The following RAE1 variants were observed in gnomAD, a reference collection of about 807,000 sequenced individuals.
RAE1 encodes mRNA export factor RAE1.
Under a neutral mutation model 52.7 loss-of-function variants are expected in RAE1, and 13 were observed. The ratio of observed to expected loss-of-function variants is 0.25; its 90% confidence interval spans 0.16 to 0.39. The LOEUF is 0.39. Among genes scored for constraint, RAE1 ranks in the 10% least tolerant of loss-of-function variants. RAE1 has a pLI of 1.00. For synonymous variants in RAE1, 164 were observed against 153.1 expected (o/e 1.07, Z -0.52); for missense variants, 262 against 459.8 (o/e 0.57, Z 3.93).
At position 57,367,077 on chromosome 20, in the gene RAE1, G is replaced by T; in HGVS notation, c.532G>T (p.Val178Leu). 1.3e-6 allele frequency: 2 copies of T among 1,576,392 alleles called. No homozygotes were observed. The highest frequency in any genetic ancestry group is 1.7e-6 in the Non-Finnish European group (2 of 1,152,334). The change falls in exon 7 of 12, where the codon GTG becomes TTG. Residue 178 changes from valine (V) to leucine (L), a missense_variant and splice_region_variant. Val to Leu is a conservative substitution (Grantham distance 32). Coordinates refer to ENST00000395841, the MANE Select transcript of RAE1 (RefSeq NM_003610.4). The part of the protein sequence containing the change: ...QLPERCYCAD[V>L]IYPMAVVATA... ...CCCTGAAAGGTGTTACTGTGCTGAC[G>T]TGGTAAGGGATTTCAACTTAATATG...
At chr20:57,351,677 T>G in intron 1 of RAE1, 1 of 985,504 alleles carries the variant, frequency 1.0e-6, no homozygotes, top group Non-Finnish European at 1.2e-6. Context: ...ATGCAGTGTG[T>G]GTCGCCTCTG....
In RAE1 at chr20:57,373,721, C is replaced by A; in HGVS notation, c.808C>A (p.Pro270Thr). ...ATCTAATGGAACCAACACTTCAGCT[C>A]CTCAGGACATTTATGCGGTACGTTT... ...HRSNGTNTSA[P>T]QDIYAVNGIA... The change falls in exon 10 of 12, where the codon CCT (proline) becomes ACT (threonine). Residue 270 changes from proline (P) to threonine (T), a missense_variant. By Grantham distance (38) the Pro-to-Thr change is conservative. Coordinates refer to ENST00000395841, the MANE Select transcript of RAE1 (RefSeq NM_003610.4). The A allele has an allele frequency of 1.9e-6, 3 of 1,613,902 alleles. No homozygotes were observed. The highest frequency in any genetic ancestry group is 2.5e-6 in the Non-Finnish European group (3 of 1,179,772).
intron 4 of RAE1, among the ~76,000 whole-genome samples, chr20:57,360,198 G>A (rs2066872101): frequency 6.6e-6 from 1 of 152,138 alleles, no homozygotes; most frequent in African/African-American, 2.4e-5. Flanking sequence ...GTGCTTCATG[G>A]CCTTATTCAA....
intron 11 of RAE1, 149 bp from the exon 12 acceptor site, chr20:57,377,864 T>A (rs2067138810): frequency 1.6e-6 from 1 of 609,988 alleles, no homozygotes; most frequent in Non-Finnish European, 2.8e-6. Context: ...AAGTTCTGCT[T>A]CGCATTTGAC....
intron 7 of RAE1, among the ~76,000 whole-genome samples, chr20:57,367,730 A>T (rs1351916867): frequency 6.9e-6 from 1 of 145,716 alleles, no homozygotes; most frequent in Non-Finnish European, 1.5e-5. Flanking sequence ...ATAGAGTGAG[A>T]TACTATCTCA....
chr20:57,357,268 C>G (rs1169686066), intron 4 of RAE1, among the ~76,000 whole-genome samples: 1 of 152,188 alleles, frequency 6.6e-6, no homozygotes, highest in Non-Finnish European at 1.5e-5. Context: ...TCGTCAAATC[C>G]TTCCCAGCTC....
intron 4 of RAE1, chr20:57,359,496 G>C (rs1344488712): frequency 1.3e-5 from 2 of 152,408 alleles, no homozygotes; most frequent in African/African-American, 4.8e-5. Context: ...GGCTGCTTTT[G>C]GGCCAACTGT....
At chr20:57,371,938 A>G (rs1355340720) in intron 8 of RAE1, 1 of 152,250 alleles carries the variant, frequency 6.6e-6, no homozygotes, top group African/African-American at 2.4e-5. Flanking sequence ...AAGAAACTGC[A>G]TGGTTCCACT....
chr20:57,374,583 C>T (rs1235894895), intron 10 of RAE1, 24 bp from the exon 11 acceptor site: 4 of 1,592,786 alleles, frequency 2.5e-6, no homozygotes, highest in Admixed American at 1.7e-5. Flanking sequence ...CCTGGCTTCT[C>T]ATTGTGCATG....
intron 1 of RAE1, 42 bp downstream of exon 1, chr20:57,351,464 A>C (rs1479038644): frequency 1.0e-5 from 10 of 985,306 alleles, no homozygotes; most frequent in Non-Finnish European, 1.2e-5. Context: ...AACCGCCGCC[A>C]TGGCTCCCGC....
intron 1 of RAE1, among the ~76,000 whole-genome samples, chr20:57,352,258 C>T (rs555002316): frequency 6.6e-6 from 1 of 152,282 alleles, no homozygotes; most frequent in South Asian, 2.1e-4. Context: ...AAATTTGGGA[C>T]ATTTTCATCA....
intron 8 of RAE1, among the ~76,000 whole-genome samples, chr20:57,370,589 C>A (rs775932533): frequency 2.0e-5 from 3 of 152,194 alleles, no homozygotes; most frequent in Non-Finnish European, 4.4e-5. Context: ...GTCTCCCAGG[C>A]GTCTGAAGCT....
chr20:57,377,898 C>T (rs984361621), intron 11 of RAE1, 115 bp from the exon 12 acceptor site: 2 of 702,204 alleles, frequency 2.8e-6, no homozygotes, highest in South Asian at 2.2e-5. Context: ...TTTTATTTCT[C>T]TGAGAGATTA....
chr20:57,361,856 G>C (rs1361249389), intron 4 of RAE1, among the ~76,000 whole-genome samples: 1 of 152,246 alleles, frequency 6.6e-6, no homozygotes, highest in Non-Finnish European at 1.5e-5. Flanking sequence ...CCAACCCCCA[G>C]GCTGTGGACC....
chr20:57,359,089 G>A, intron 4 of RAE1: 1 of 1,344,296 alleles, frequency 7.4e-7, no homozygotes, highest in East Asian at 2.7e-5. Flanking sequence ...CCTTCGCACG[G>A]TCAGGATACC....
chr20:57,365,659 A>T (rs952486734), intron 5 of RAE1, among the ~76,000 whole-genome samples: 5 of 152,204 alleles, frequency 3.3e-5, no homozygotes, highest in African/African-American at 1.2e-4. Flanking sequence ...CTTGTCATGG[A>T]TCTTCATATA....
intron 3 of RAE1, among the ~76,000 whole-genome samples, chr20:57,355,693 GT>G (rs1464241514): frequency 1.3e-5 from 2 of 152,166 alleles, no homozygotes; most frequent in Non-Finnish European, 2.9e-5. Flanking sequence ...TGTATAGTAT[GT>G]TTGTATGATG....
intron 11 of RAE1, among the ~76,000 whole-genome samples, chr20:57,377,453 T>G (rs2067132191): frequency 6.6e-6 from 1 of 152,226 alleles, no homozygotes; most frequent in South Asian, 2.1e-4. Context: ...GGCCTCATCC[T>G]GATTTCGGGG....
At position 57,366,993 on chromosome 20, in the gene RAE1, CT is replaced by C; in HGVS notation, c.463-9del. 1.2e-6 allele frequency: 2 copies of C among 1,604,708 alleles called. No homozygotes were observed. The highest frequency in any genetic ancestry group is 1.7e-6 in the Non-Finnish European group (2 of 1,171,526). On this transcript the variant is annotated splice_polypyrimidine_tract_variant and intron_variant, in intron 6 of 11. Transcript: ENST00000395841. ...TCTGAATGGTCACATACTGGCTTCT[CT>C]TTTTTGCTTTTAGTTTTGGGATACT...
Sources: gnomAD v4.1 joint callset for allele counts (sites outside exome capture counted in the v4.1 genomes callset) on GRCh38, gnomAD v4.1.1 for gene constraint, MANE v1.5 for transcripts, NCBI Gene and HGNC (gene_info 2026-07-23, HGNC 2026-07-21) for gene names.